DNMT3B: variants seen among roughly 807,000 people sequenced by gnomAD.
The protein encoded by DNMT3B is DNA methyltransferase 3 beta, also known as DNA (cytosine-5)-methyltransferase 3B.
Under a neutral mutation model 120.2 loss-of-function variants are expected in DNMT3B, and 37 were observed. The observed-to-expected ratio is 0.31, with a 90% confidence interval of 0.24 to 0.40. The LOEUF (loss-of-function observed/expected upper bound fraction) is 0.40. DNMT3B is among the 10% of genes least tolerant of loss of function. The pLI is 1.00. For missense variants in DNMT3B, 878 were observed against 1,137.3 expected, an observed-to-expected ratio of 0.77 and a Z score of 3.28; for synonymous variants, 412 against 442.8, an observed-to-expected ratio of 0.93 and a Z score of 0.87.
At chr20:32,772,471 T>G (rs1027109173) in intron 1 of DNMT3B, among the ~76,000 whole-genome samples, 4 of 152,162 alleles carry the variant, frequency 2.6e-5, no homozygotes, top group Non-Finnish European at 5.9e-5. Flanking sequence ...TTTGCCCCCT[T>G]GGGAGGGGAC....
At chr20:32,780,942 C>A (rs181510249) in intron 2 of DNMT3B, among the ~76,000 whole-genome samples, 7 of 152,342 alleles carry the variant, frequency 4.6e-5, no homozygotes, top group Admixed American at 1.3e-4. Context: ...CATGGAACTT[C>A]CTGCGAGCGT....
intron 1 of DNMT3B, among the ~76,000 whole-genome samples, chr20:32,771,862 G>T (rs1439740511): frequency 6.6e-6 from 1 of 152,068 alleles, no homozygotes; most frequent in Non-Finnish European, 1.5e-5. Context: ...TCAAATAAAT[G>T]TTTCTCAGAC....
intron 1 of DNMT3B, 151 bp from the exon 2 acceptor site, chr20:32,780,167 G>A (rs779107629): frequency 1.8e-5 from 29 of 1,613,230 alleles, no homozygotes; most frequent in Middle Eastern, 3.3e-4. Context: ...GCTATGGGGG[G>A]CAGCCTGGGT....
intron 6 of DNMT3B, 110 bp downstream of exon 6, chr20:32,787,561 C>T (rs1055343921): frequency 1.4e-5 from 17 of 1,237,480 alleles, no homozygotes; most frequent in African/African-American, 1.3e-4. Context: ...TTAGAAGTTT[C>T]GTAATTGTAA....
At chr20:32,799,569 G>C (rs1981066396) in intron 16 of DNMT3B, among the ~76,000 whole-genome samples, 1 of 152,128 alleles carries the variant, frequency 6.6e-6, no homozygotes, top group Admixed American at 6.5e-5. Context: ...ACCCAGGTTA[G>C]AGTGCAATGG....
chr20:32,794,165 G>C (rs1439113608), intron 10 of DNMT3B, among the ~76,000 whole-genome samples: 2 of 151,898 alleles, frequency 1.3e-5, no homozygotes, highest in Admixed American at 6.6e-5. Context: ...TCCAAGACCA[G>C]CCTGGGCAAC....
chr20:32,773,660 A>C (rs1434291920), intron 1 of DNMT3B, among the ~76,000 whole-genome samples: 1 of 148,924 alleles, frequency 6.7e-6, no homozygotes, highest in African/African-American at 2.5e-5. Flanking sequence ...CACTGGGCCT[A>C]GAGTGCAGTG....
At position 32,784,812 on chromosome 20, in the gene DNMT3B, A is replaced by G. The variant is rs1979059911; in HGVS notation, c.259A>G (p.Met87Val). The G allele has an allele frequency of 3.1e-6, 5 of 1,614,158 alleles. No individual in the cohort carries two copies. Among genetic ancestry groups the G allele is most frequent in the East Asian group, 4.5e-5 (2 of 44,882 alleles). Residue 87 changes from methionine to valine, a missense_variant, in exon 4 of 23, where the codon ATG becomes GTG. Physicochemically the swap from Met to Val is conservative, Grantham distance 21. Around this residue, in one of 4 missense-constraint regions of DNMT3B, gnomAD observed 287 missense variants for 306.2 expected, o/e 0.94. Transcript: ENST00000328111. ...EDGDGSDTPV[M>V]PKLFRETRTR... Reference sequence around the variant, plus strand: ...TGGGGATGGCTCTGACACCCCAGTCATGCCAAAGCTCTTCCGGGAAACCAG... The same window carrying G: ...TGGGGATGGCTCTGACACCCCAGTCGTGCCAAAGCTCTTCCGGGAAACCAG...
chr20:32,807,214 A>AT (rs1408578760), intron 22 of DNMT3B, among the ~76,000 whole-genome samples: 2 of 152,182 alleles, frequency 1.3e-5, no homozygotes, highest in African/African-American at 4.8e-5. Context: ...ATACCTGAGT[A>AT]ACACTGAGGC....
chr20:32,804,176 C>T (rs1446513896), intron 20 of DNMT3B, among the ~76,000 whole-genome samples: 3 of 152,146 alleles, frequency 2.0e-5, no homozygotes, highest in Non-Finnish European at 2.9e-5. Context: ...AGCAGTGAGA[C>T]CTGATGCAGA....
chr20:32,806,610 T>G (rs2146090836), intron 22 of DNMT3B, among the ~76,000 whole-genome samples: 1 of 152,326 alleles, frequency 6.6e-6, no homozygotes, highest in Non-Finnish European at 1.5e-5. Context: ...GCTGGGACAC[T>G]ACGATGTGTG....
chr20:32,791,633 G>C lies in DNMT3B; in HGVS notation c.846G>C (p.Leu282=), dbSNP rs745773292. The change falls in exon 8 of 23, where the codon CTG becomes CTC. Residue 282 remains leucine (L), a synonymous_variant. Coordinates refer to ENST00000328111, the MANE Select transcript of DNMT3B (RefSeq NM_006892.4). ...VSADKLVALG[L]FSQHFNLATF... ...CAGACAAACTGGTGGCACTGGGGCT[G>C]TTCAGCCAGCACTTTAATTTGGCCA... 3.1e-6 allele frequency: 5 copies of C among 1,614,126 alleles called. No homozygotes were observed. Among genetic ancestry groups the C allele is most frequent in the Admixed American group, 3.3e-5 (2 of 60,018 alleles).
rs1981991689 is a variant in DNMT3B at position 32,806,450 on chromosome 20, A to G, written c.2420+123A>G. ...GCCCTTTGGTGTTACTGGGGCGAGG[A>G]GTAATAATACCTTTTCATAGTTCGC... On this transcript the variant is annotated intron_variant, in intron 22 of 22. Coordinates refer to ENST00000328111, the MANE Select transcript of DNMT3B (RefSeq NM_006892.4). The G allele has an allele frequency of 3.3e-6, 3 of 907,858 alleles. No individual in the cohort carries two copies. The Admixed American group carries it at 5.7e-5, about 17-fold the overall frequency. 56.2% of individuals were successfully genotyped at this position (907,858 alleles called of 1,614,324 possible). A position where few individuals can be genotyped will look rare whatever the true frequency, so the allele number is the denominator to read the frequency against.
At chr20:32,797,161 C>T (rs746503123) in intron 13 of DNMT3B, 26 bp from the exon 14 acceptor site, 2 of 1,612,036 alleles carry the variant, frequency 1.2e-6, no homozygotes, top group Non-Finnish European at 1.7e-6. Flanking sequence ...TCTCCGATTT[C>T]ACTGGTGTTT....
Position 32,775,853 on chromosome 20 carries a change from C to T in DNMT3B, c.-6-4465C>T, listed in dbSNP as rs538988843. 2.0e-5 allele frequency among the ~76,000 whole-genome samples: 3 copies of T among 152,374 alleles called. No individual in the cohort carries two copies. The South Asian group carries it at 6.2e-4, about 32-fold the overall frequency. ...TGGATTGCCTGGGCATGAGATTTGG[C>T]ACTGCCACTTCTCTGGGTGACTTAA... On this transcript the variant is annotated intron_variant, in intron 1 of 22. Transcript: ENST00000328111.
chr20:32,808,036 G>A lies in DNMT3B; in HGVS notation c.*133G>A. 1 of 1,487,006 alleles carries A rather than the reference G, an allele frequency of 6.7e-7. No individual in the cohort carries two copies. The highest frequency in any genetic ancestry group is 9.2e-7 in the Non-Finnish European group (1 of 1,091,136). The allele number at this position is 1,487,006 out of a possible 1,614,324, so 92.1% of individuals were successfully genotyped here. A position where few individuals can be genotyped will look rare whatever the true frequency, so the allele number is the denominator to read the frequency against. ...ATACCGTGTACCTCAGTTCCCTCTT[G>A]CTCAGTGGGGGCAGAGCCACCTGAC... On this transcript the variant is annotated 3_prime_UTR_variant, in exon 23 of 23. Coordinates refer to ENST00000328111, the MANE Select transcript of DNMT3B (RefSeq NM_006892.4).
rs556387042 is a variant in DNMT3B, at chr20:32,763,035, C to T, written c.-7+336C>T. On this transcript the variant is annotated intron_variant, in intron 1 of 22. Coordinates refer to ENST00000328111, the MANE Select transcript of DNMT3B (RefSeq NM_006892.4). ...CAGGGAGGGGGACGCGCTGGCTTCC[C>T]GGGGTCCAGACTCGAGGAGGAGGAG... Among the ~76,000 whole-genome samples, 681 of 152,158 alleles carry T rather than the reference C, an allele frequency of 4.5e-3. 8 individuals are homozygous for T. The highest frequency in any genetic ancestry group is 0.015 in the African/African-American group (603 of 41,516).
In DNMT3B at chr20:32,787,231, C is replaced by T; in HGVS notation, c.434C>T (p.Ser145Phe). ...ESPVEFPATRSLRRRATASAG... is the reference protein window; with the variant it reads ...ESPVEFPATRFLRRRATASAG... ...AACTATGTGTCCTTCTGTCCACAGTCCCTGAGACGGCGGGCAACAGCATCG... is the reference window on the plus strand; with the variant it reads ...AACTATGTGTCCTTCTGTCCACAGTTCCTGAGACGGCGGGCAACAGCATCG... Residue 145 changes from serine (S) to phenylalanine (F), a missense_variant and splice_region_variant, in exon 6 of 23, where the codon TCC becomes TTC. Physicochemically the swap from Ser to Phe is radical, Grantham distance 155. Around this residue, in one of 4 missense-constraint regions of DNMT3B, gnomAD observed 287 missense variants for 306.2 expected, o/e 0.94. Coordinates refer to ENST00000328111, the MANE Select transcript of DNMT3B (RefSeq NM_006892.4). 6.2e-7 allele frequency: 1 copy of T among 1,614,248 alleles called. No homozygotes were observed. Among genetic ancestry groups the T allele is most frequent in the Non-Finnish European group, 8.5e-7 (1 of 1,180,050 alleles).
chr20:32,803,741 C>T (rs917474594), intron 20 of DNMT3B, among the ~76,000 whole-genome samples: 7 of 152,162 alleles, frequency 4.6e-5, no homozygotes, highest in Non-Finnish European at 1.0e-4. Context: ...GGAAGAGGGT[C>T]TGGGATGATG....
Sources: gnomAD v4.1 joint callset for allele counts (sites outside exome capture counted in the v4.1 genomes callset) on GRCh38, gnomAD v4.1.1 for gene constraint, gnomAD v4.1.1 regional missense constraint, MANE v1.5 for transcripts, NCBI Gene and HGNC (gene_info 2026-07-23, HGNC 2026-07-21) for gene names.